MSRA: variants seen among roughly 807,000 people sequenced by gnomAD.
MSRA encodes methionine sulfoxide reductase A.
MSRA carries 54 observed loss-of-function variants against 31.3 expected under a neutral mutation model. The ratio of observed to expected loss-of-function variants is 1.73; its 90% CI spans 1.39 to 2.17. The LOEUF (loss-of-function observed/expected upper bound fraction) is 2.17, where lower values mean the gene tolerates loss of function less well. MSRA is among the 30% of genes most tolerant of loss of function. The pLI, the probability that MSRA is intolerant of heterozygous loss-of-function variation, is 0.00. For missense variants in MSRA, 507 were observed against 300.9 expected (o/e 1.69, Z -5.07); for synonymous variants, 169 against 116.5 (o/e 1.45, Z -2.90).
chr8:10,247,343 T>C (rs1015832207), intron 3 of MSRA, among the ~76,000 whole-genome samples: 5 of 152,168 alleles, frequency 3.3e-5, no homozygotes, highest in Non-Finnish European at 5.9e-5. Flanking sequence ...GTCTATGCCA[T>C]TGACCATGGT....
chr8:10,111,335 C>G (rs757081406), intron 1 of MSRA, among the ~76,000 whole-genome samples: 1 of 152,066 alleles, frequency 6.6e-6, no homozygotes, highest in African/African-American at 2.4e-5. Context: ...CACCCTTGCC[C>G]CCTCCCTCAT....
At chr8:10,190,148 T>C (rs898064025) in intron 1 of MSRA, among the ~76,000 whole-genome samples, 1 of 152,138 alleles carries the variant, frequency 6.6e-6, no homozygotes, top group East Asian at 1.9e-4. Context: ...TAGAGGGCGC[T>C]TTGGGGGAGG....
intron 1 of MSRA, among the ~76,000 whole-genome samples, chr8:10,156,483 T>C (rs1804160535): frequency 6.6e-6 from 1 of 152,180 alleles, no homozygotes. Flanking sequence ...AGATATTAAT[T>C]CTTGGTGAAT....
intron 3 of MSRA, among the ~76,000 whole-genome samples, chr8:10,264,314 G>A (rs751341303): frequency 6.6e-6 from 1 of 152,144 alleles, no homozygotes; most frequent in Non-Finnish European, 1.5e-5. Context: ...ATACTATTAG[G>A]TCGTTTCTTT....
At chr8:10,404,592 C>A (rs574473482) in intron 5 of MSRA, among the ~76,000 whole-genome samples, 1 of 152,262 alleles carries the variant, frequency 6.6e-6, no homozygotes, top group Admixed American at 6.5e-5. Flanking sequence ...GACAGGTGCG[C>A]GGGCTCTCCA....
chr8:10,346,045 GT>G (rs35886914), intron 5 of MSRA, among the ~76,000 whole-genome samples: 28,469 of 152,130 alleles, frequency 0.19, 3,598 homozygotes, highest in Non-Finnish European at 0.28. Flanking sequence ...ATTGTATTGT[GT>G]TTATGTGTAC....
chr8:10,256,766 C>G (rs1048149731), intron 3 of MSRA, among the ~76,000 whole-genome samples: 2 of 152,122 alleles, frequency 1.3e-5, no homozygotes, highest in African/African-American at 2.4e-5. Context: ...ATGTATTTCT[C>G]TGTCCCCCCG....
At chr8:10,217,636 C>T (rs569315223) in intron 2 of MSRA, among the ~76,000 whole-genome samples, 5 of 152,184 alleles carry the variant, frequency 3.3e-5, no homozygotes, top group Non-Finnish European at 5.9e-5. Flanking sequence ...GCCTTGTCTA[C>T]ATCCCCACTC....
At chr8:10,283,156 A>ACTCTCTCTCTCTCTCTCTCT (rs1306331077) in intron 3 of MSRA, among the ~76,000 whole-genome samples, 1 of 85,040 alleles carries the variant, frequency 1.2e-5, no homozygotes, top group African/African-American at 4.8e-5. Flanking sequence ...ACACACACAC[A>ACTCTCTCTCTCTCTCTCTCT]CACACTCTCA....
At chr8:10,197,538 T>C (rs1017441440) in intron 1 of MSRA, among the ~76,000 whole-genome samples, 11 of 152,136 alleles carry the variant, frequency 7.2e-5, no homozygotes, top group Non-Finnish European at 1.2e-4. Context: ...CAGGGTTGTC[T>C]TTCCGTCTGT....
At chr8:10,170,309 A>G (rs1805486582) in intron 1 of MSRA, among the ~76,000 whole-genome samples, 1 of 152,158 alleles carries the variant, frequency 6.6e-6, no homozygotes, top group African/African-American at 2.4e-5. Context: ...ATAAGGGTGG[A>G]GCCCTTAGGC....
chr8:10,093,222 T>C (rs1798945684), intron 1 of MSRA, among the ~76,000 whole-genome samples: 1 of 152,196 alleles, frequency 6.6e-6, no homozygotes, highest in Admixed American at 6.5e-5. Context: ...TTACTTATGC[T>C]ATTGGGCTAT....
At chr8:10,419,655 G>A (rs931421155) in intron 5 of MSRA, among the ~76,000 whole-genome samples, 2 of 152,144 alleles carry the variant, frequency 1.3e-5, no homozygotes, top group Non-Finnish European at 2.9e-5. Flanking sequence ...TGCTTTCCTG[G>A]CACTCTGAGT....
chr8:10,283,834 T>C (rs867638103), intron 3 of MSRA, among the ~76,000 whole-genome samples: 5,831 of 70,036 alleles, frequency 0.083, 218 homozygotes, highest in African/African-American at 0.11. Context: ...TATATATATA[T>C]ATACACACAC....
At chr8:10,352,745 C>T (rs185491965) in intron 5 of MSRA, among the ~76,000 whole-genome samples, 1 of 152,250 alleles carries the variant, frequency 6.6e-6, no homozygotes, top group African/African-American at 2.4e-5. Context: ...CCATCTGGTG[C>T]AGACACGCTG....
At chr8:10,414,950 C>T (rs971137936) in intron 5 of MSRA, among the ~76,000 whole-genome samples, 2 of 152,128 alleles carry the variant, frequency 1.3e-5, no homozygotes, top group Admixed American at 6.5e-5. Flanking sequence ...AACTGAAAGC[C>T]ATGAAAAGAA....
At chr8:10,207,687 A>G (rs557174220) in intron 1 of MSRA, 146 bp from the exon 2 acceptor site, 1 of 642,870 alleles carries the variant, frequency 1.6e-6, no homozygotes, top group African/African-American at 1.8e-5. Context: ...ATGAAAAACA[A>G]AATAATTGAA....
chr8:10,144,289 G>C (rs969438306), intron 1 of MSRA, among the ~76,000 whole-genome samples: 2 of 152,146 alleles, frequency 1.3e-5, no homozygotes, highest in Non-Finnish European at 2.9e-5. Flanking sequence ...ATAGCCTCTG[G>C]AGCCAGTCTG....
chr8:10,085,524 A>G (rs773119827), intron 1 of MSRA, among the ~76,000 whole-genome samples: 2 of 152,218 alleles, frequency 1.3e-5, no homozygotes, highest in African/African-American at 2.4e-5. Context: ...AGTCATCTCA[A>G]TAGCCCCTTG....
Sources: allele counts gnomAD v4.1 joint callset (sites outside exome capture counted in the v4.1 genomes callset), GRCh38; gene constraint gnomAD v4.1.1; transcripts MANE v1.5; gene names NCBI Gene and HGNC (gene_info 2026-07-23, HGNC 2026-07-21).